Variants in TAS2R1 observed in about 807,000 individuals in gnomAD.
TAS2R1 encodes the protein taste 2 receptor member 1, also known as taste receptor type 2 member 1.
For synonymous variants in TAS2R1, 141 were observed against 134.2 expected (o/e 1.05, Z -0.35); for missense variants, 370 against 353.4 (o/e 1.05, Z -0.38).
chr5:9,777,975 G>T, the TAS2R1 span, among the ~76,000 whole-genome samples: 1 of 151,160 alleles, frequency 6.6e-6, no homozygotes, highest in African/African-American at 2.4e-5. Flanking sequence ...CCGCTTCCCG[G>T]GTTCACGCCA....
intron 2 of TAS2R1, chr5:9,641,787 G>A (rs1740090249): frequency 6.6e-6 from 1 of 152,102 alleles, no homozygotes; most frequent in Non-Finnish European, 1.5e-5. Context: ...AATCCTTTTA[G>A]GTCTTTAAAC....
chr5:9,796,551 G>A, the TAS2R1 span, among the ~76,000 whole-genome samples: 2 of 152,016 alleles, frequency 1.3e-5, no homozygotes, highest in Non-Finnish European at 2.9e-5. Context: ...CACAAATTGG[G>A]AAGATTTGTT....
chr5:9,782,462 G>A, the TAS2R1 span, among the ~76,000 whole-genome samples: 3 of 151,850 alleles, frequency 2.0e-5, no homozygotes, highest in African/African-American at 4.8e-5. Flanking sequence ...TGGGTGGGGC[G>A]GGGCGGGGCT....
the TAS2R1 span, among the ~76,000 whole-genome samples, chr5:9,769,271 T>C: frequency 1.6e-4 from 24 of 152,360 alleles, no homozygotes; most frequent in African/African-American, 5.3e-4. Flanking sequence ...TATGGCTGAA[T>C]AGTACACCAT....
upstream of TAS2R1, among the ~76,000 whole-genome samples, chr5:9,716,655 A>G (rs1352340009): frequency 1.3e-5 from 2 of 152,116 alleles, no homozygotes; most frequent in Non-Finnish European, 2.9e-5. Context: ...ATTTCTCCAA[A>G]CAAGCCCTTT....
chr5:9,642,632 C>T lies in TAS2R1; in HGVS notation c.-80-12640G>A, dbSNP rs59056506. 1.2e-3 allele frequency among the ~76,000 whole-genome samples: 190 copies of T among 152,196 alleles called. 2 individuals carry two copies. The East Asian group carries it at 0.025, about 20-fold the overall frequency. On this transcript the variant is annotated intron_variant, in intron 2 of 2. Coordinates refer to the TAS2R1 transcript ENST00000506620. ...TTCAGGTCACTTTCATATACTTGTC[C>T]CTTCCCTTGCTCAATTTATTCTAGT...
chr5:9,770,531 T>A, the TAS2R1 span, among the ~76,000 whole-genome samples: 1 of 152,324 alleles, frequency 6.6e-6, no homozygotes, highest in East Asian at 1.9e-4. Context: ...CAATATTGAT[T>A]CTTCCAAACT....
At chr5:9,684,331 T>C (rs1455465306) in intron 1 of TAS2R1, among the ~76,000 whole-genome samples, 1 of 152,172 alleles carries the variant, frequency 6.6e-6, no homozygotes, top group Non-Finnish European at 1.5e-5. Flanking sequence ...CTTGCTCATA[T>C]GTGGGAGCTG....
chr5:9,644,068 G>C (rs1162809325), intron 2 of TAS2R1, among the ~76,000 whole-genome samples: 1 of 152,170 alleles, frequency 6.6e-6, no homozygotes, highest in Non-Finnish European at 1.5e-5. Context: ...GCAGAGCAGA[G>C]AGGAAGTTAG....
chr5:9,735,550 G>A, the TAS2R1 span, among the ~76,000 whole-genome samples: 1 of 151,606 alleles, frequency 6.6e-6, no homozygotes, highest in African/African-American at 2.4e-5. Flanking sequence ...AGTAATCCTA[G>A]ATGGTGCCTT....
At chr5:9,718,454 A>G in the TAS2R1 span, among the ~76,000 whole-genome samples, 1 of 152,130 alleles carries the variant, frequency 6.6e-6, no homozygotes, top group Admixed American at 6.5e-5. Context: ...TACATGGCCT[A>G]GAACCATATG....
chr5:9,644,419 G>A (rs916763247), intron 2 of TAS2R1, among the ~76,000 whole-genome samples: 10 of 152,114 alleles, frequency 6.6e-5, no homozygotes, highest in Non-Finnish European at 1.5e-5. Flanking sequence ...TTGATGGGGA[G>A]TGAGGGAAAG....
At chr5:9,870,841 C>T in the TAS2R1 span, among the ~76,000 whole-genome samples, 1 of 152,048 alleles carries the variant, frequency 6.6e-6, no homozygotes, top group Non-Finnish European at 1.5e-5. Context: ...CAGGGAGGGA[C>T]ACATCATAGT....
chr5:9,691,368 C>T (rs368091374), intron 1 of TAS2R1, among the ~76,000 whole-genome samples: 11 of 152,230 alleles, frequency 7.2e-5, no homozygotes, highest in African/African-American at 1.9e-4. Flanking sequence ...ACCTTCATTT[C>T]GGACTTCTGG....
At chr5:9,813,359 C>T in the TAS2R1 span, among the ~76,000 whole-genome samples, 1 of 152,206 alleles carries the variant, frequency 6.6e-6, no homozygotes, top group Non-Finnish European at 1.5e-5. Context: ...AACTTTGTTA[C>T]AGTAGCCCTT....
At chr5:9,742,792 A>G in the TAS2R1 span, among the ~76,000 whole-genome samples, 1 of 152,218 alleles carries the variant, frequency 6.6e-6, no homozygotes, top group Non-Finnish European at 1.5e-5. Context: ...ATTCAATGTC[A>G]TTCACAAGAA....
the TAS2R1 span, among the ~76,000 whole-genome samples, chr5:9,832,709 A>G: frequency 6.6e-6 from 1 of 152,256 alleles, no homozygotes; most frequent in South Asian, 2.1e-4. Context: ...AAGATTAATG[A>G]AAAGAAATGA....
At chr5:9,660,056 C>CTTTTTTTTTTT (rs1171409076) in intron 1 of TAS2R1, 11 of 123,118 alleles carry the variant, frequency 8.9e-5, no homozygotes, top group African/African-American at 3.1e-4. Flanking sequence ...TGAAATATTT[C>CTTTTTTTTTTT]TTTTTTTTTT....
At chr5:9,868,720 T>C in the TAS2R1 span, among the ~76,000 whole-genome samples, 1 of 152,244 alleles carries the variant, frequency 6.6e-6, no homozygotes. Context: ...GGTTTTCTTT[T>C]CTATTGCATC....
Sources: gnomAD v4.1 joint callset for allele counts (sites outside exome capture counted in the v4.1 genomes callset) on GRCh38, gnomAD v4.1.1 for gene constraint, MANE v1.5 for transcripts, NCBI Gene and HGNC (gene_info 2026-07-23, HGNC 2026-07-21) for gene names.